The following EPHA6 variants were observed in gnomAD, a reference collection of about 807,000 sequenced individuals.
EPHA6 encodes the protein ephrin type-A receptor 6.
Under a neutral mutation model 112.0 loss-of-function variants are expected in EPHA6, and 50 were observed. The observed-to-expected ratio is 0.45, with a 90% CI of 0.36 to 0.56. EPHA6 has a LOEUF of 0.56. Among genes scored for constraint, EPHA6 ranks in the 20% least tolerant of loss-of-function variants. The pLI, the probability that EPHA6 is intolerant of heterozygous loss-of-function variation, is 0.00. For missense variants in EPHA6, 1,280 were observed against 1,417.4 expected (o/e 0.90, Z 1.56); for synonymous variants, 529 against 490.7 (o/e 1.08, Z -1.03).
At position 97,535,278 on chromosome 3, in the gene EPHA6, G is replaced by T. The variant is rs552566791; in HGVS notation, c.2386+2735G>T. Among the ~76,000 whole-genome samples, 9 of 151,986 alleles carry T rather than the reference G, an allele frequency of 5.9e-5. No individual in the cohort carries two copies. The South Asian group carries it at 1.9e-3, about 32-fold the overall frequency. On this transcript the variant is annotated intron_variant, in intron 11 of 17. Transcript: ENST00000389672. ...GACCTCTACTTAGCCACATTTATATGATTTACAAGTCAAGGTTTTTGTTCC... is the reference window on the plus strand; with the variant it reads ...GACCTCTACTTAGCCACATTTATATTATTTACAAGTCAAGGTTTTTGTTCC...
intron 3 of EPHA6, among the ~76,000 whole-genome samples, chr3:97,025,385 A>G (rs973876989): frequency 1.3e-5 from 2 of 152,090 alleles, no homozygotes; most frequent in Non-Finnish European, 2.9e-5. Flanking sequence ...TGGGTAGAAA[A>G]ATTTTATACT....
chr3:97,624,188 C>T (rs1216431160), intron 13 of EPHA6, among the ~76,000 whole-genome samples: 4 of 151,576 alleles, frequency 2.6e-5, no homozygotes, highest in Non-Finnish European at 5.9e-5. Flanking sequence ...ATACATATAG[C>T]TTTTATTATG....
At chr3:97,457,084 G>T (rs769429972) in intron 7 of EPHA6, among the ~76,000 whole-genome samples, 1 of 152,144 alleles carries the variant, frequency 6.6e-6, no homozygotes, top group Non-Finnish European at 1.5e-5. Context: ...ATTAATAACA[G>T]TATGGAGGCC....
At chr3:97,029,560 A>G (rs192671597) in intron 3 of EPHA6, among the ~76,000 whole-genome samples, 54 of 152,226 alleles carry the variant, frequency 3.5e-4, no homozygotes, top group African/African-American at 1.1e-3. Flanking sequence ...TTCTGACAGA[A>G]AGCAGACCAG....
At chr3:97,537,873 C>T (rs2107663705) in intron 11 of EPHA6, among the ~76,000 whole-genome samples, 1 of 152,280 alleles carries the variant, frequency 6.6e-6, no homozygotes, top group South Asian at 2.1e-4. Flanking sequence ...GCCACAGCAC[C>T]TGGCCTCTAG....
intron 10 of EPHA6, among the ~76,000 whole-genome samples, chr3:97,491,432 G>A (rs570595994): frequency 1.3e-5 from 2 of 152,246 alleles, no homozygotes; most frequent in East Asian, 3.9e-4. Flanking sequence ...GTGGGGAGCA[G>A]GCCAGTGGCA....
At chr3:97,457,603 T>G (rs1407173574) in intron 7 of EPHA6, among the ~76,000 whole-genome samples, 1 of 152,198 alleles carries the variant, frequency 6.6e-6, no homozygotes, top group Non-Finnish European at 1.5e-5. Context: ...GGTGCCACTC[T>G]TCAATAAAAA....
chr3:97,568,160 A>C (rs186679198), intron 11 of EPHA6, among the ~76,000 whole-genome samples: 1 of 152,284 alleles, frequency 6.6e-6, no homozygotes, highest in Admixed American at 6.5e-5. Flanking sequence ...TAAGTCTCTT[A>C]ATAGCGAGAA....
intron 11 of EPHA6, among the ~76,000 whole-genome samples, chr3:97,550,793 T>A (rs962942556): frequency 6.6e-5 from 10 of 152,044 alleles, no homozygotes; most frequent in African/African-American, 2.4e-4. Flanking sequence ...ATTTTATTTA[T>A]CTTGGTCCCT....
chr3:96,905,288 CT>C (rs1415894248), intron 2 of EPHA6, among the ~76,000 whole-genome samples: 1 of 151,862 alleles, frequency 6.6e-6, no homozygotes, highest in Non-Finnish European at 1.5e-5. Context: ...TAAAAAAGGT[CT>C]GAAATTATAG....
intron 2 of EPHA6, among the ~76,000 whole-genome samples, chr3:96,911,734 A>T: frequency 6.6e-6 from 1 of 152,078 alleles, no homozygotes; most frequent in East Asian, 1.9e-4. Context: ...TTTGTCATTT[A>T]AATTAATCTA....
intron 6 of EPHA6, among the ~76,000 whole-genome samples, chr3:97,446,576 T>C (rs997764090): frequency 7.9e-5 from 12 of 152,118 alleles, no homozygotes; most frequent in African/African-American, 2.4e-4. Context: ...ATGCTTTTTT[T>C]CATTGCTTTA....
At chr3:97,292,775 C>T (rs1246227366) in intron 5 of EPHA6, among the ~76,000 whole-genome samples, 1 of 151,830 alleles carries the variant, frequency 6.6e-6, no homozygotes, top group African/African-American at 2.4e-5. Flanking sequence ...GGAGAGGAGA[C>T]CCGTGGTGGT....
At chr3:97,375,969 A>G (rs1577148694) in intron 5 of EPHA6, among the ~76,000 whole-genome samples, 1 of 152,186 alleles carries the variant, frequency 6.6e-6, no homozygotes, top group South Asian at 2.1e-4. Context: ...GCAGGAATAC[A>G]AATATCCAGT....
intron 2 of EPHA6, among the ~76,000 whole-genome samples, chr3:96,965,161 C>T (rs2042080632): frequency 6.6e-6 from 1 of 152,134 alleles, no homozygotes; most frequent in South Asian, 2.1e-4. Context: ...TTGGCCTAGA[C>T]TCAGTTACTG....
chr3:96,994,640 A>G (rs1328550826), intron 3 of EPHA6, among the ~76,000 whole-genome samples: 1 of 150,536 alleles, frequency 6.6e-6, no homozygotes, highest in Non-Finnish European at 1.5e-5. Context: ...ACTTGTACTT[A>G]GAGATATTAG....
At position 97,180,949 on chromosome 3, in the gene EPHA6, G is replaced by C. The variant is rs78875846; in HGVS notation, c.1115-45315G>C. Among the ~76,000 whole-genome samples the C allele has an allele frequency of 2.9e-3, 439 of 151,952 alleles. 15 individuals are homozygous for C. The East Asian group carries it at 0.072, about 25-fold the overall frequency. On this transcript the variant is annotated intron_variant, in intron 3 of 17. Transcript: ENST00000389672. ...TTTCAGCACTAGGACTCACCTAAGA[G>C]TTGTAGTCCGTATGGCTTAGACTAC...
intron 1 of EPHA6, among the ~76,000 whole-genome samples, chr3:96,844,359 T>C (rs541444215): frequency 6.6e-6 from 1 of 152,048 alleles, no homozygotes; most frequent in South Asian, 2.1e-4. Context: ...TGACTGACTC[T>C]GTGACAACAT....
chr3:97,475,302 A>T, intron 7 of EPHA6, 50 bp from the exon 8 acceptor site: 1 of 1,334,238 alleles, frequency 7.5e-7, no homozygotes, highest in Non-Finnish European at 1.1e-6. Flanking sequence ...AAATGGTTTT[A>T]ATAGTGAAAT....
Sources: gnomAD v4.1 joint callset for allele counts (sites outside exome capture counted in the v4.1 genomes callset) on GRCh38, gnomAD v4.1.1 for gene constraint, MANE v1.5 for transcripts, NCBI Gene and HGNC (gene_info 2026-07-23, HGNC 2026-07-21) for gene names.